Variants in RIPK4 observed in about 807,000 individuals in gnomAD.
RIPK4 encodes receptor-interacting serine/threonine-protein kinase 4.
In RIPK4, 17 loss-of-function variants were observed where a neutral mutation model predicts 42.9. The observed-to-expected ratio is 0.40, with a 90% CI of 0.27 to 0.59. RIPK4 has a LOEUF of 0.59. RIPK4 is among the 20% of genes least tolerant of loss of function. RIPK4 has a pLI of 0.47. For synonymous variants in RIPK4, 498 were observed against 499.1 expected (o/e 1.00, Z 0.03); for missense variants, 897 against 1,104.4 (o/e 0.81, Z 2.66).
chr21:41,756,849 A>G (rs1463375826), intron 1 of RIPK4, 33 bp from the exon 2 acceptor site: 4 of 1,594,624 alleles, frequency 2.5e-6, no homozygotes, highest in Non-Finnish European at 2.6e-6. Context: ...AGAATACGCA[A>G]TGGTCACTCA....
intron 4 of RIPK4, 81 bp downstream of exon 4, chr21:41,749,073 G>T: frequency 6.9e-7 from 1 of 1,448,202 alleles, no homozygotes; most frequent in Non-Finnish European, 9.7e-7. Context: ...TCTGTTTTAG[G>T]ATAGAGAAAG....
At chr21:41,744,270 A>G in intron 6 of RIPK4, 130 bp from the exon 7 acceptor site, 1 of 843,436 alleles carries the variant, frequency 1.2e-6, no homozygotes, top group African/African-American at 1.7e-5. Flanking sequence ...GGACCCTGGA[A>G]GCAATGCAGA....
chr21:41,748,154 G>T (rs923989376), intron 4 of RIPK4, among the ~76,000 whole-genome samples: 1 of 152,214 alleles, frequency 6.6e-6, no homozygotes, highest in African/African-American at 2.4e-5. Flanking sequence ...GCCAGCAGAG[G>T]CCTGGCAGGA....
intron 4 of RIPK4, 141 bp downstream of exon 4, chr21:41,749,013 C>A: frequency 4.9e-6 from 4 of 821,988 alleles, no homozygotes; most frequent in South Asian, 4.6e-5. Flanking sequence ...TCTTTTCCTG[C>A]ATGCAAATTA....
At position 41,742,117 on chromosome 21, in the gene RIPK4, G is replaced by A. The variant is rs937493358; in HGVS notation, c.1196-120C>T. ...TGCCATGGCCTCCAGGCTGCTCGCT[G>A]GTCACCCGACTGTGTTTGAGCGTTG... On this transcript the variant is annotated intron_variant, in intron 7 of 7. Coordinates refer to ENST00000332512, the MANE Select transcript of RIPK4 (RefSeq NM_020639.3). This position sits in a 1 kb window ranked among gnomAD's most constrained non-coding sequence, Gnocchi z 5.1. 8.9e-5 allele frequency: 77 copies of A among 868,442 alleles called. No individual in the cohort carries two copies. Among genetic ancestry groups the A allele is most frequent in the Admixed American group, 3.3e-4 (14 of 42,200 alleles). The allele number at this position is 868,442 out of a possible 1,614,324, so 53.8% of individuals were successfully genotyped here.
chr21:41,757,947 C>T (rs1310744008), intron 1 of RIPK4, among the ~76,000 whole-genome samples: 27 of 131,292 alleles, frequency 2.1e-4, no homozygotes, highest in African/African-American at 7.0e-4. Context: ...TACAGTGAGC[C>T]GAGATCGCGC....
intron 2 of RIPK4, among the ~76,000 whole-genome samples, chr21:41,754,109 A>G (rs760356491): frequency 1.3e-5 from 2 of 152,134 alleles, no homozygotes; most frequent in Non-Finnish European, 2.9e-5. Context: ...TGGAATGGCA[A>G]CTTAGGATCT....
Position 41,746,667 on chromosome 21 carries a change from G to A in RIPK4, c.778C>T (p.Arg260Cys), listed in dbSNP as rs149749209. 69 of 1,611,190 alleles carry A rather than the reference G, an allele frequency of 4.3e-5. No individual in the cohort carries two copies. Among genetic ancestry groups the A allele is most frequent in the Non-Finnish European group, 5.3e-5 (62 of 1,179,870 alleles). ...CCCTGCCAGCACCGCTGCATGAGGC[G>A]TATCAGGTGGCTGCAGGCGCGCGGC... is the stretch of plus-strand genomic sequence containing the variant. ...ARPRACSHLI[R>C]LMQRCWQGDP... The change falls in exon 5 of 8, where the codon CGC becomes TGC. Residue 260 changes from arginine to cysteine, a missense_variant. By Grantham distance (180) the Arg-to-Cys change is radical. Coordinates refer to ENST00000332512, the MANE Select transcript of RIPK4 (RefSeq NM_020639.3).
At chr21:41,752,732 A>G (rs2146053706) in intron 2 of RIPK4, among the ~76,000 whole-genome samples, 1 of 152,370 alleles carries the variant, frequency 6.6e-6, no homozygotes, top group East Asian at 1.9e-4. Flanking sequence ...AACAGTCATC[A>G]GTGGCTTGAA....
chr21:41,741,552 G>A lies in RIPK4; in HGVS notation c.1641C>T (p.His547=), dbSNP rs150110999. The change falls in exon 8 of 8, where the codon CAC becomes CAT. Residue 547 remains histidine (H), a synonymous_variant. Coordinates refer to ENST00000332512, the MANE Select transcript of RIPK4 (RefSeq NM_020639.3). ...GRTPMHVACQ[H]GQENIVRILL... ...GGATGCGCACGATATTCTCCTGCCC[G>A]TGCTGGCAGGCCACGTGCATGGGCG... The A allele has an allele frequency of 6.3e-5, 101 of 1,611,876 alleles. No homozygotes were observed. The highest frequency in any genetic ancestry group is 4.4e-4 in the African/African-American group (33 of 74,932).
At chr21:41,743,592 G>A (rs543781839) in intron 7 of RIPK4, among the ~76,000 whole-genome samples, 3 of 152,320 alleles carry the variant, frequency 2.0e-5, no homozygotes, top group South Asian at 2.1e-4. Context: ...TGCACTGGAG[G>A]GGGTTTCCAA....
rs191048679 is a variant in RIPK4, at chr21:41,761,992, C to T, written c.182+4868G>A. Among the ~76,000 whole-genome samples, 10 of 152,260 alleles carry T rather than the reference C, an allele frequency of 6.6e-5. 1 individual carries two copies. In the East Asian group the frequency reaches 1.9e-3, roughly 29 times the overall value. On this transcript the variant is annotated intron_variant, in intron 1 of 7. Coordinates refer to ENST00000332512, the MANE Select transcript of RIPK4 (RefSeq NM_020639.3). ...CAGAACGGAGACCCCATTTACCTTACTTTAAAAGAAACAACAAACAAACAA... is the reference window on the plus strand; with the variant it reads ...CAGAACGGAGACCCCATTTACCTTATTTTAAAAGAAACAACAAACAAACAA...
chr21:41,760,194 C>T lies in RIPK4; in HGVS notation c.183-3378G>A, dbSNP rs1601684253. ...GAGTGCATTTTCAGCCAATAAACTA[C>T]TACTGTCCAGAATCACCACTTCAGT... On this transcript the variant is annotated intron_variant, in intron 1 of 7. Transcript: ENST00000332512. Among the ~76,000 whole-genome samples the T allele has an allele frequency of 2.6e-5, 4 of 152,248 alleles. No individual in the cohort carries two copies. The East Asian group carries it at 7.7e-4, about 29-fold the overall frequency.
intron 5 of RIPK4, chr21:41,746,105 C>T (rs2146048503): frequency 4.3e-6 from 3 of 696,634 alleles, no homozygotes; most frequent in East Asian, 2.8e-5. Flanking sequence ...GGGGGAGCGC[C>T]ACCTGCCAGT....
chr21:41,748,091 C>T (rs544581206), intron 4 of RIPK4, among the ~76,000 whole-genome samples: 32 of 152,324 alleles, frequency 2.1e-4, no homozygotes, highest in East Asian at 1.2e-3. Flanking sequence ...TGCGGGAGAA[C>T]GTACAGAAGG....
In RIPK4 at chr21:41,741,941, C is replaced by T; in HGVS notation, c.1252G>A (p.Asp418Asn). The T allele has an allele frequency of 2.5e-6, 4 of 1,610,390 alleles. No individual in the cohort carries two copies. The highest frequency in any genetic ancestry group is 1.3e-5 in the African/African-American group (1 of 74,974). The change falls in exon 8 of 8, where the codon GAC (aspartate) becomes AAC (asparagine). Residue 418 changes from aspartate to asparagine, a missense_variant. Transcript: ENST00000332512. ...AGGATCTTCATCAGTTTGCTGGTGT[C>T]CCCGGACACGATGGCATCCACAAGC... Reference protein sequence around the residue: ...KKLVDAIVSGDTSKLMKILQP... With the variant: ...KKLVDAIVSGNTSKLMKILQP...
intron 1 of RIPK4, among the ~76,000 whole-genome samples, chr21:41,765,698 G>A (rs546612217): frequency 2.0e-4 from 31 of 152,330 alleles, no homozygotes; most frequent in Admixed American, 3.9e-4. Context: ...AGGCAGCAAA[G>A]GCTAAATGGT....
In RIPK4 at chr21:41,740,448, C is replaced by T. The variant is rs1017129767; in HGVS notation, c.*390G>A. 3.8e-5 allele frequency: 8 copies of T among 209,148 alleles called. No homozygotes were observed. In the East Asian group the frequency reaches 7.9e-4, roughly 21 times the overall value. The allele number at this position is 209,148 out of a possible 1,614,324, so 13.0% of individuals were successfully genotyped here. On this transcript the variant is annotated 3_prime_UTR_variant, in exon 8 of 8. Transcript: ENST00000332512. ...TATGAAGATAAAAAACACAGTTTCC[C>T]CTGCACCTCCCTCAAGACTGGTGAG...
chr21:41,751,223 T>G lies in RIPK4; in HGVS notation c.497A>C (p.Lys166Thr), dbSNP rs763072957. The G allele has an allele frequency of 3.1e-6, 5 of 1,614,228 alleles. No homozygotes were observed. Among genetic ancestry groups the G allele is most frequent in the Non-Finnish European group, 4.2e-6 (5 of 1,180,034 alleles). ...ATGCGAGTGGGACAGCCCGTTGCAC[T>G]TGGCCAGACCAAAATCAGAAATCTG... is the stretch of plus-strand genomic sequence containing the variant. Reference protein sequence around the residue: ...HVKISDFGLAKCNGLSHSHDL... With the variant: ...HVKISDFGLATCNGLSHSHDL... The change falls in exon 3 of 8, where the codon AAG becomes ACG. Residue 166 changes from lysine (K) to threonine (T), a missense_variant. Transcript: ENST00000332512. The surrounding 1 kb of genome is among the most constrained non-coding windows in gnomAD (Gnocchi z 4.5).
Sources: gnomAD v4.1 joint callset for allele counts (sites outside exome capture counted in the v4.1 genomes callset) on GRCh38, gnomAD v4.1.1 for gene constraint, Gnocchi (gnomAD v3.1) non-coding constraint, MANE v1.5 for transcripts, NCBI Gene and HGNC (gene_info 2026-07-23, HGNC 2026-07-21) for gene names.